The following NOL4L variants were observed in gnomAD, a reference collection of about 807,000 sequenced individuals.
The protein encoded by NOL4L is nucleolar protein 4 like.
In NOL4L, 7 loss-of-function variants were observed where a neutral mutation model predicts 64.5. That is an observed-to-expected ratio of 0.11 (90% confidence interval 0.06 to 0.20). The LOEUF (loss-of-function observed/expected upper bound fraction) is 0.20, where lower values mean the gene tolerates loss of function less well. Among genes scored for constraint, NOL4L ranks in the 10% least tolerant of loss-of-function variants. The pLI is 1.00. For synonymous variants in NOL4L, 413 were observed against 401.0 expected, an observed-to-expected ratio of 1.03 and a Z score of -0.36; for missense variants, 680 against 967.1, an observed-to-expected ratio of 0.70 and a Z score of 3.94.
chr20:32,526,482 G>C (rs1257200465), intron 2 of NOL4L, among the ~76,000 whole-genome samples: 3 of 149,408 alleles, frequency 2.0e-5, no homozygotes, highest in Non-Finnish European at 4.4e-5. Context: ...TGAGGACAAG[G>C]ACTAACCGGA....
chr20:32,485,286 T>C (rs2016041196), intron 4 of NOL4L, among the ~76,000 whole-genome samples: 2 of 152,212 alleles, frequency 1.3e-5, no homozygotes, highest in South Asian at 4.1e-4. Flanking sequence ...TTTTTTTCTG[T>C]AAAAAGCCTT....
At chr20:32,547,295 T>G (rs2145602565) in intron 1 of NOL4L, among the ~76,000 whole-genome samples, 1 of 152,018 alleles carries the variant, frequency 6.6e-6, no homozygotes, top group African/African-American at 2.4e-5. Flanking sequence ...GCCCCAGAAC[T>G]CTCATTCTTT....
At chr20:32,576,149 G>T (rs1980090518) in intron 1 of NOL4L, among the ~76,000 whole-genome samples, 1 of 152,152 alleles carries the variant, frequency 6.6e-6, no homozygotes, top group Admixed American at 6.5e-5. Flanking sequence ...AGTCTTGGAG[G>T]GTTCTGGACA....
At chr20:32,583,337 G>C (rs1025724265) in intron 1 of NOL4L, among the ~76,000 whole-genome samples, 1 of 150,710 alleles carries the variant, frequency 6.6e-6, no homozygotes, top group Non-Finnish European at 1.5e-5. Flanking sequence ...CGGAGGGGGA[G>C]GGGGAGGGGA....
chr20:32,479,814 G>A (rs1161441216), intron 4 of NOL4L, among the ~76,000 whole-genome samples: 1 of 152,228 alleles, frequency 6.6e-6, no homozygotes, highest in African/African-American at 2.4e-5. Flanking sequence ...AGGCAGATGG[G>A]TAGCACCCAG....
chr20:32,559,928 C>G (rs1978898616), intron 1 of NOL4L, among the ~76,000 whole-genome samples: 1 of 152,248 alleles, frequency 6.6e-6, no homozygotes, highest in Non-Finnish European at 1.5e-5. Context: ...AGCAGTGTGG[C>G]CTGCCCTGGG....
chr20:32,487,319 T>C (rs897301847), intron 4 of NOL4L, among the ~76,000 whole-genome samples: 2 of 150,814 alleles, frequency 1.3e-5, no homozygotes, highest in African/African-American at 4.9e-5. Flanking sequence ...GTGTGACTCT[T>C]CTTAGATCCT....
chr20:32,567,501 A>G (rs969736447), intron 1 of NOL4L, among the ~76,000 whole-genome samples: 8 of 152,176 alleles, frequency 5.3e-5, no homozygotes, highest in African/African-American at 1.9e-4. Flanking sequence ...TACTTGGGCA[A>G]AACCAGACCT....
chr20:32,451,111 G>C (rs1401236870), intron 10 of NOL4L, among the ~76,000 whole-genome samples: 1 of 152,140 alleles, frequency 6.6e-6, no homozygotes, highest in Non-Finnish European at 1.5e-5. Context: ...GGGGCTTAGG[G>C]AATCCTCAGG....
chr20:32,560,470 T>A (rs1396183755), intron 1 of NOL4L, among the ~76,000 whole-genome samples: 1 of 152,246 alleles, frequency 6.6e-6, no homozygotes, highest in East Asian at 1.9e-4. Flanking sequence ...ACAGATGGCA[T>A]GCTACCCGCT....
At chr20:32,511,216 T>A (rs2017388493) in intron 4 of NOL4L, 131 bp downstream of exon 4, 3 of 611,462 alleles carry the variant, frequency 4.9e-6, no homozygotes, top group Non-Finnish European at 8.7e-6. Flanking sequence ...ACAACCCAGA[T>A]AACCAGATAA....
At chr20:32,510,810 A>G (rs1267367223) in intron 4 of NOL4L, 6 of 153,212 alleles carry the variant, frequency 3.9e-5, no homozygotes, top group African/African-American at 1.4e-4. Flanking sequence ...GGCAGGCGAG[A>G]GGGAGTTTCT....
intron 4 of NOL4L, chr20:32,486,774 T>A (rs756568419): frequency 1.3e-5 from 6 of 471,060 alleles, no homozygotes; most frequent in Admixed American, 2.3e-5. Context: ...CCACCAGACA[T>A]GATGTCCTCG....
intron 1 of NOL4L, among the ~76,000 whole-genome samples, chr20:32,551,069 A>C (rs1247256306): frequency 6.6e-6 from 1 of 151,408 alleles, no homozygotes; most frequent in African/African-American, 2.4e-5. Context: ...AAATAATAAT[A>C]ATAATACAGT....
intron 6 of NOL4L, among the ~76,000 whole-genome samples, chr20:32,454,241 G>C (rs750428702): frequency 1.3e-5 from 2 of 152,226 alleles, no homozygotes; most frequent in Non-Finnish European, 2.9e-5. Context: ...CCAAAGCAAC[G>C]AGCATGCTGT....
chr20:32,475,695 T>TC (rs918774123), intron 4 of NOL4L, among the ~76,000 whole-genome samples: 5 of 151,528 alleles, frequency 3.3e-5, no homozygotes, highest in African/African-American at 1.2e-4. Context: ...AGTTCTGGCC[T>TC]CCCCCCAGCA....
Position 32,546,003 on chromosome 20 carries a change from C to G in NOL4L, c.322-18090G>C, listed in dbSNP as rs2018728071. Among the ~76,000 whole-genome samples, 3 of 148,328 alleles carry G rather than the reference C, an allele frequency of 2.0e-5. No individual in the cohort carries two copies. In the South Asian group the frequency reaches 6.3e-4, roughly 31 times the overall value. On this transcript the variant is annotated intron_variant, in intron 1 of 10. Coordinates refer to ENST00000621426, the MANE Select transcript of NOL4L (RefSeq NM_001256798.2). ...TTGCTCTGTCGCCCAGGCTGGAATG[C>G]AGTGGCATGATCTTGGCTCACTGCA... is the stretch of plus-strand genomic sequence containing the variant.
intron 1 of NOL4L, among the ~76,000 whole-genome samples, chr20:32,564,132 G>A (rs1377787038): frequency 6.6e-6 from 1 of 152,212 alleles, no homozygotes; most frequent in African/African-American, 2.4e-5. Flanking sequence ...GCCCCAGGAT[G>A]TCTGTCTGTC....
In NOL4L at chr20:32,527,674, C is replaced by A. The variant is rs529146344; in HGVS notation, c.477+84G>T. The A allele has an allele frequency of 4.4e-4, 639 of 1,447,986 alleles. 5 individuals are homozygous for A. The South Asian group carries it at 8.5e-3, about 19-fold the overall frequency. 89.7% of individuals were successfully genotyped at this position (1,447,986 alleles called of 1,614,324 possible). ...ATCACGCCTCAGCTCCCTGCCCCGC[C>A]CCCCAAGCCCAACATGTGCGGAGCC... On this transcript the variant is annotated intron_variant, in intron 2 of 10. Transcript: ENST00000621426.
Sources: allele counts gnomAD v4.1 joint callset (sites outside exome capture counted in the v4.1 genomes callset), GRCh38; gene constraint gnomAD v4.1.1; transcripts MANE v1.5; gene names NCBI Gene and HGNC (gene_info 2026-07-23, HGNC 2026-07-21).